IL1RAPL1: variants seen among roughly 807,000 people sequenced by gnomAD.
IL1RAPL1 encodes the protein interleukin-1 receptor accessory protein-like 1.
Under a neutral mutation model 48.4 loss-of-function variants are expected in IL1RAPL1, and 3 were observed. The observed-to-expected ratio is 0.06, with a 90% CI of 0.03 to 0.16. IL1RAPL1 has a LOEUF of 0.16. IL1RAPL1 is among the 10% of genes least tolerant of loss of function. The pLI is 1.00. For synonymous variants in IL1RAPL1, 185 were observed against 187.7 expected, an observed-to-expected ratio of 0.99 and a Z score of 0.12; for missense variants, 349 against 530.6, an observed-to-expected ratio of 0.66 and a Z score of 3.36.
intron 2 of IL1RAPL1, among the ~76,000 whole-genome samples, chrX:28,836,223 G>A (rs1921202961): frequency 9.2e-6 from 1 of 108,786 alleles, no homozygotes; most frequent in African/African-American, 3.4e-5. Flanking sequence ...ACTGAATGTA[G>A]CATTCATGTA....
At chrX:29,034,632 T>C (rs1926689936) in intron 2 of IL1RAPL1, among the ~76,000 whole-genome samples, 1 of 111,519 alleles carries the variant, frequency 9.0e-6, no homozygotes, top group Non-Finnish European at 1.9e-5. Flanking sequence ...GAGTAACATT[T>C]ATACTAGTTT....
intron 6 of IL1RAPL1, among the ~76,000 whole-genome samples, chrX:29,757,874 AT>A (rs951281902): frequency 1.8e-5 from 2 of 111,450 alleles, no homozygotes; most frequent in Admixed American, 9.6e-5. Flanking sequence ...TCCAATTTTA[AT>A]TTTTTTTAAT....
At chrX:29,717,064 G>A (rs755423390) in intron 6 of IL1RAPL1, among the ~76,000 whole-genome samples, 1 of 110,769 alleles carries the variant, frequency 9.0e-6, no homozygotes, top group Non-Finnish European at 1.9e-5. Flanking sequence ...TGAATAAAGG[G>A]AAAACTATTG....
At chrX:29,120,102 C>G (rs1324603095) in intron 2 of IL1RAPL1, among the ~76,000 whole-genome samples, 1 of 111,451 alleles carries the variant, frequency 9.0e-6, no homozygotes, top group African/African-American at 3.3e-5. Flanking sequence ...ACAGACTTAC[C>G]CAAGATAGTT....
intron 6 of IL1RAPL1, among the ~76,000 whole-genome samples, chrX:29,781,359 G>C (rs768241106): frequency 2.7e-5 from 3 of 111,404 alleles, no homozygotes; most frequent in East Asian, 5.6e-4. Context: ...TGACTCCCCA[G>C]GTGCAAATAG....
At chrX:29,156,368 C>T (rs1929569167) in intron 2 of IL1RAPL1, among the ~76,000 whole-genome samples, 1 of 111,879 alleles carries the variant, frequency 8.9e-6, no homozygotes, top group African/African-American at 3.2e-5. Context: ...GAACCAAAGA[C>T]TTCGACTTAA....
intron 2 of IL1RAPL1, among the ~76,000 whole-genome samples, chrX:29,186,243 A>G (rs750507766): frequency 8.9e-6 from 1 of 112,282 alleles, no homozygotes; most frequent in South Asian, 3.7e-4. Flanking sequence ...AAAGCAAATA[A>G]CAAAAATTCT....
At chrX:28,922,772 A>G (rs1352020930) in intron 2 of IL1RAPL1, among the ~76,000 whole-genome samples, 2 of 111,976 alleles carry the variant, frequency 1.8e-5, no homozygotes, top group Non-Finnish European at 3.8e-5. Flanking sequence ...ATTATCTACT[A>G]CTTATATAAG....
At chrX:28,968,667 T>C (rs1924980407) in intron 2 of IL1RAPL1, among the ~76,000 whole-genome samples, 1 of 112,651 alleles carries the variant, frequency 8.9e-6, no homozygotes, top group South Asian at 3.6e-4. Flanking sequence ...AAATATATAA[T>C]AAATATGGAA....
intron 2 of IL1RAPL1, among the ~76,000 whole-genome samples, chrX:28,970,542 T>C (rs1925044986): frequency 8.9e-6 from 1 of 112,050 alleles, no homozygotes; most frequent in Admixed American, 9.5e-5. Flanking sequence ...TCTTAACTTC[T>C]ATGATTCATA....
Position 29,178,127 on chromosome X carries a change from T to C in IL1RAPL1, c.83-104811T>C, listed in dbSNP as rs1459816546. On this transcript the variant is annotated intron_variant, in intron 2 of 10. Transcript: ENST00000378993. ...TATACTCAGTAATGGGATGGCTGGGTCAAATGGTATTTCTAGTTCTAGATC... is the reference window on the plus strand; with the variant it reads ...TATACTCAGTAATGGGATGGCTGGGCCAAATGGTATTTCTAGTTCTAGATC... 3.6e-5 allele frequency among the ~76,000 whole-genome samples: 4 copies of C among 111,658 alleles called. No homozygotes were observed. In the East Asian group the frequency reaches 1.1e-3, roughly 31 times the overall value.
chrX:29,483,278 G>A (rs756036256), intron 5 of IL1RAPL1, among the ~76,000 whole-genome samples: 6 of 111,754 alleles, frequency 5.4e-5, no homozygotes, highest in Non-Finnish European at 9.4e-5. Context: ...TCAGAATGGA[G>A]AGTTACTGAA....
At chrX:29,009,404 T>C (rs998579757) in intron 2 of IL1RAPL1, among the ~76,000 whole-genome samples, 1 of 112,400 alleles carries the variant, frequency 8.9e-6, no homozygotes, top group Non-Finnish European at 1.9e-5. Flanking sequence ...GTCTTACATT[T>C]AAATCTCTAA....
At position 29,562,050 on chromosome X, in the gene IL1RAPL1, ATCTATC is replaced by A. The variant is rs1449790148; in HGVS notation, c.704-106378_704-106373del. ...CTTTTTCAATTCTATCTATCTATCT[ATCTATC>A]TATCTATCTATCTATCTATCTATCT... is the stretch of plus-strand genomic sequence containing the variant. On this transcript the variant is annotated intron_variant, in intron 5 of 10. Transcript: ENST00000378993. Among the ~76,000 whole-genome samples, 933 of 104,478 alleles carry A rather than the reference ATCTATC, an allele frequency of 8.9e-3. 13 individuals carry two copies. The highest frequency in any genetic ancestry group is 0.032 in the African/African-American group (885 of 27,995). 90.7% of individuals were successfully genotyped at this position (104,478 alleles called of 115,157 possible). A position where few individuals can be genotyped will look rare whatever the true frequency, so the allele number is the denominator to read the frequency against.
At chrX:29,653,923 T>TATTTATTTATTC (rs1925594694) in intron 5 of IL1RAPL1, among the ~76,000 whole-genome samples, 1 of 107,070 alleles carries the variant, frequency 9.3e-6, no homozygotes, top group Non-Finnish European at 1.9e-5. Context: ...TTTATTTATT[T>TATTTATTTATTC]ATTTATTTAT....
chrX:29,623,489 A>G (rs937150798), intron 5 of IL1RAPL1, among the ~76,000 whole-genome samples: 1 of 111,608 alleles, frequency 9.0e-6, no homozygotes, highest in Non-Finnish European at 1.9e-5. Context: ...CTTGATAGTT[A>G]TTTGACATGG....
intron 5 of IL1RAPL1, among the ~76,000 whole-genome samples, chrX:29,402,354 G>A: frequency 9.0e-6 from 1 of 111,103 alleles, no homozygotes; most frequent in Non-Finnish European, 1.9e-5. Flanking sequence ...GTTGAGGCAC[G>A]TACTCCATGC....
intron 8 of IL1RAPL1, among the ~76,000 whole-genome samples, chrX:29,932,520 C>G (rs1321636192): frequency 8.9e-6 from 1 of 111,965 alleles, no homozygotes; most frequent in Admixed American, 9.5e-5. Context: ...CTTCACCTAT[C>G]ACATCACACA....
At chrX:29,853,078 A>G (rs1343382145) in intron 6 of IL1RAPL1, among the ~76,000 whole-genome samples, 3 of 110,083 alleles carry the variant, frequency 2.7e-5, no homozygotes, top group African/African-American at 9.9e-5. Flanking sequence ...GGTGAGACAC[A>G]GCATTTAGAG....
Sources: allele counts gnomAD v4.1 joint callset (sites outside exome capture counted in the v4.1 genomes callset), GRCh38; gene constraint gnomAD v4.1.1; transcripts MANE v1.5; gene names NCBI Gene and HGNC (gene_info 2026-07-23, HGNC 2026-07-21).